Variants in TASP1 observed in about 807,000 individuals in gnomAD.
The protein encoded by TASP1 is taspase 1.
In TASP1, 16 loss-of-function variants were observed where a neutral mutation model predicts 56.6. The observed-to-expected ratio is 0.28, with a 90% CI of 0.19 to 0.43. The LOEUF (loss-of-function observed/expected upper bound fraction) is 0.43, where lower values mean the gene tolerates loss of function less well. TASP1 is among the 20% of genes least tolerant of loss of function. TASP1 has a pLI of 1.00. For synonymous variants in TASP1, 179 were observed against 184.2 expected (o/e 0.97, Z 0.23); for missense variants, 393 against 511.6 (o/e 0.77, Z 2.24).
the TASP1 span, chr20:13,238,116 A>AT: frequency 1.4e-5 from 2 of 139,290 alleles, no homozygotes; most frequent in African/African-American, 5.6e-5. Context: ...ATAACTTAAA[A>AT]TTTAAAAAAA....
chr20:13,170,676 T>C, the TASP1 span, among the ~76,000 whole-genome samples: 1 of 152,200 alleles, frequency 6.6e-6, no homozygotes, highest in African/African-American at 2.4e-5. Flanking sequence ...AAGGGGCTAG[T>C]GGTTTTGGCC....
At chr20:13,150,873 C>T in the TASP1 span, among the ~76,000 whole-genome samples, 1 of 152,196 alleles carries the variant, frequency 6.6e-6, no homozygotes, top group Non-Finnish European at 1.5e-5. Context: ...TTAGTACTTG[C>T]TTATCCTTCG....
the TASP1 span, among the ~76,000 whole-genome samples, chr20:13,251,680 G>A: frequency 6.6e-6 from 1 of 152,210 alleles, no homozygotes; most frequent in Middle Eastern, 3.2e-3. Flanking sequence ...AGCAAGAGTT[G>A]CAACAGACTC....
At chr20:13,414,076 T>C (rs761828943) in intron 13 of TASP1, among the ~76,000 whole-genome samples, 35 of 152,244 alleles carry the variant, frequency 2.3e-4, no homozygotes, top group Non-Finnish European at 4.6e-4. Flanking sequence ...ATTTTTCTGA[T>C]ATAGGATCTA....
At chr20:13,311,727 T>C in the TASP1 span, among the ~76,000 whole-genome samples, 25 of 152,078 alleles carry the variant, frequency 1.6e-4, no homozygotes, top group Non-Finnish European at 2.8e-4. Context: ...ATGTGGAATC[T>C]AAAAAAATCA....
intron 4 of TASP1, among the ~76,000 whole-genome samples, chr20:13,596,724 C>T (rs950163150): frequency 6.6e-6 from 1 of 152,044 alleles, no homozygotes; most frequent in Non-Finnish European, 1.5e-5. Flanking sequence ...AAACCCTTCA[C>T]AAAATCAATG....
the TASP1 span, among the ~76,000 whole-genome samples, chr20:13,142,270 A>G: frequency 0.29 from 43,607 of 152,058 alleles, 6,360 homozygotes; most frequent in South Asian, 0.46. Flanking sequence ...CCCACAAACA[A>G]GATATCCTTT....
the TASP1 span, among the ~76,000 whole-genome samples, chr20:13,266,221 C>T: frequency 2.6e-5 from 4 of 152,242 alleles, no homozygotes; most frequent in South Asian, 4.1e-4. Flanking sequence ...GGGGACTAGA[C>T]ATTGGGCAGG....
intron 7 of TASP1, among the ~76,000 whole-genome samples, chr20:13,564,211 C>T (rs2046439418): frequency 6.6e-6 from 1 of 152,102 alleles, no homozygotes. Flanking sequence ...AACACACAAA[C>T]CCACTAGAAC....
chr20:13,442,660 C>A (rs772840112), intron 11 of TASP1, among the ~76,000 whole-genome samples: 1 of 151,224 alleles, frequency 6.6e-6, no homozygotes, highest in Non-Finnish European at 1.5e-5. Flanking sequence ...AACAAACAAA[C>A]AAACAAAAAA....
At chr20:13,164,755 T>C in the TASP1 span, 5 of 1,612,486 alleles carry the variant, frequency 3.1e-6, no homozygotes, top group Non-Finnish European at 4.2e-6. Context: ...TCATTGCAGG[T>C]TTTAGAAGCT....
the TASP1 span, among the ~76,000 whole-genome samples, chr20:13,281,720 G>T: frequency 6.6e-6 from 1 of 152,200 alleles, no homozygotes; most frequent in African/African-American, 2.4e-5. Context: ...ATAGGAATGG[G>T]AGGAAAAGAT....
chr20:13,204,528 C>CATATATATATATATATATATAT, the TASP1 span, among the ~76,000 whole-genome samples: 689 of 145,140 alleles, frequency 4.7e-3, 3 homozygotes, highest in East Asian at 0.024. Flanking sequence ...TTTATATATT[C>CATATATATATATATATATATAT]ATATATATAT....
At chr20:13,283,306 G>A in the TASP1 span, among the ~76,000 whole-genome samples, 9 of 152,158 alleles carry the variant, frequency 5.9e-5, no homozygotes, top group African/African-American at 1.9e-4. Context: ...GGAAGGAGAG[G>A]TTCATGCAAT....
intron 12 of TASP1, among the ~76,000 whole-genome samples, chr20:13,429,489 A>C (rs7346957): frequency 6.7e-6 from 1 of 150,154 alleles, no homozygotes; most frequent in African/African-American, 2.5e-5. Flanking sequence ...TTTTTTTTTT[A>C]AAAAGGACTA....
the TASP1 span, among the ~76,000 whole-genome samples, chr20:13,148,531 C>G: frequency 6.6e-6 from 1 of 152,176 alleles, no homozygotes; most frequent in African/African-American, 2.4e-5. Flanking sequence ...CCTGAGCACT[C>G]AGGAACTGCT....
the TASP1 span, among the ~76,000 whole-genome samples, chr20:13,155,097 C>T: frequency 6.6e-6 from 1 of 151,928 alleles, no homozygotes; most frequent in Non-Finnish European, 1.5e-5. Flanking sequence ...AGGAGGATCA[C>T]TTGACACCAG....
At chr20:13,161,349 T>C in the TASP1 span, among the ~76,000 whole-genome samples, 2 of 152,128 alleles carry the variant, frequency 1.3e-5, no homozygotes, top group African/African-American at 2.4e-5. Context: ...GGTCCACCTA[T>C]AGAAGAAAAA....
the TASP1 span, among the ~76,000 whole-genome samples, chr20:13,200,008 T>G: frequency 6.6e-6 from 1 of 152,224 alleles, no homozygotes; most frequent in East Asian, 1.9e-4. Context: ...CTGTTTAAAA[T>G]TATTCCAAAT....
Sources: allele counts gnomAD v4.1 joint callset (sites outside exome capture counted in the v4.1 genomes callset), GRCh38; gene constraint gnomAD v4.1.1; transcripts MANE v1.5; gene names NCBI Gene and HGNC (gene_info 2026-07-23, HGNC 2026-07-21).